FHL1: variants seen among roughly 807,000 people sequenced by gnomAD.
FHL1 encodes four and a half LIM domains 1, also known as four and a half LIM domains protein 1.
FHL1 carries 1 observed loss-of-function variant against 20.3 expected under a neutral mutation model. The observed-to-expected ratio is 0.05, with a 90% CI of 0.02 to 0.23. The LOEUF (loss-of-function observed/expected upper bound fraction) is 0.23, where lower values mean the gene tolerates loss of function less well. FHL1 is among the 10% of genes least tolerant of loss of function. The probability of loss-of-function intolerance (pLI) is 1.00; values close to 1 mark genes in which losing one functional copy is unlikely to be tolerated. For missense variants in FHL1, 177 were observed against 234.0 expected (o/e 0.76, Z 1.59); for synonymous variants, 82 against 88.9 (o/e 0.92, Z 0.44).
At chrX:136,166,659 A>C (rs966306613), upstream of FHL1, among the ~76,000 whole-genome samples, 2 of 111,836 alleles carry the variant, frequency 1.8e-5, no homozygotes, top group African/African-American at 3.3e-5. Context: ...CTCTAGGAAA[A>C]ATCAATTCCA....
upstream of FHL1, chrX:136,168,377 T>C (rs2072769929): frequency 8.9e-6 from 1 of 111,793 alleles, no homozygotes; most frequent in African/African-American, 3.3e-5. Context: ...TACTAGGAGA[T>C]AGAAATGAAA....
chrX:136,207,009 T>C lies in FHL1; in HGVS notation c.205-7T>C. 1 of 1,210,366 alleles carries C rather than the reference T, an allele frequency of 8.3e-7. No individual in the cohort carries two copies. The highest frequency in any genetic ancestry group is 1.1e-6 in the Non-Finnish European group (1 of 895,265). On this transcript the variant is annotated splice_region_variant and splice_polypyrimidine_tract_variant and intron_variant, in intron 2 of 5. Coordinates refer to ENST00000370683, the MANE Select transcript of FHL1 (RefSeq NM_001159699.2). ...ATGGTGGCCCACCCTGTCTGCTTGG[T>C]TTCCAGGAGGTGCACTATAAGAACC...
chrX:136,208,924 A>T, intron 5 of FHL1, among the ~76,000 whole-genome samples: 1 of 27,698 alleles, frequency 3.6e-5, no homozygotes, highest in Non-Finnish European at 6.4e-5. Flanking sequence ...TTGCAGGGGG[A>T]TTCTGGGGGG....
chrX:136,174,501 C>T (rs1281632000), intron 2 of FHL1, among the ~76,000 whole-genome samples: 2 of 111,435 alleles, frequency 1.8e-5, no homozygotes, highest in African/African-American at 3.3e-5. Context: ...ACCTCCCTCT[C>T]TTTGAGTAGC....
At chrX:136,180,933 G>A (rs963516887) in intron 2 of FHL1, among the ~76,000 whole-genome samples, 1 of 111,549 alleles carries the variant, frequency 9.0e-6, no homozygotes, top group Admixed American at 9.5e-5. Flanking sequence ...GTAGAGACGG[G>A]GTTTTGCCAT....
At chrX:136,175,402 G>A (rs2072976518) in intron 2 of FHL1, among the ~76,000 whole-genome samples, 1 of 112,266 alleles carries the variant, frequency 8.9e-6, no homozygotes. Flanking sequence ...TTGGAACATT[G>A]TTTGGCAATA....
intron 2 of FHL1, among the ~76,000 whole-genome samples, chrX:136,191,090 T>A (rs775407159): frequency 1.8e-5 from 2 of 111,831 alleles, no homozygotes; most frequent in Admixed American, 9.5e-5. Context: ...GGTAATCTAA[T>A]GGCAGACCAC....
intron 2 of FHL1, among the ~76,000 whole-genome samples, chrX:136,177,013 T>C (rs201086477): frequency 2.3e-5 from 2 of 88,674 alleles, no homozygotes; most frequent in East Asian, 3.7e-4. Flanking sequence ...CATGTAGAAA[T>C]ACACACACAC....
intron 2 of FHL1, among the ~76,000 whole-genome samples, chrX:136,188,284 C>T (rs1475936769): frequency 8.9e-6 from 1 of 111,764 alleles, no homozygotes; most frequent in Non-Finnish European, 1.9e-5. Context: ...GATGTTGTAG[C>T]TGCAGGCCTT....
intron 1 of FHL1, among the ~76,000 whole-genome samples, chrX:136,200,417 G>A (rs2073678693): frequency 8.9e-6 from 1 of 111,842 alleles, no homozygotes; most frequent in Non-Finnish European, 1.9e-5. Context: ...ATAAGTCCAT[G>A]AAAGCAGAGG....
intron 2 of FHL1, among the ~76,000 whole-genome samples, chrX:136,184,677 A>G (rs1414398868): frequency 7.2e-5 from 8 of 111,717 alleles, no homozygotes; most frequent in Non-Finnish European, 1.5e-4. Flanking sequence ...TTTGTAGTAT[A>G]TGATAAATGT....
intron 5 of FHL1, among the ~76,000 whole-genome samples, chrX:136,208,903 G>A (rs948837438): frequency 1.1e-5 from 1 of 92,995 alleles, no homozygotes; most frequent in African/African-American, 3.9e-5. Flanking sequence ...ACACCGGCAG[G>A]CACTGCCACT....
intron 1 of FHL1, 88 bp from the exon 2 acceptor site, chrX:136,206,319 C>A: frequency 9.1e-7 from 1 of 1,104,507 alleles, no homozygotes; most frequent in Non-Finnish European, 1.3e-6. Context: ...GACTCCAAGG[C>A]AGCATTGTGC....
intron 2 of FHL1, among the ~76,000 whole-genome samples, chrX:136,189,425 G>A (rs1251314954): frequency 9.0e-6 from 1 of 111,610 alleles, no homozygotes; most frequent in Non-Finnish European, 1.9e-5. Context: ...TCATTCTCAG[G>A]CCCATGGTCC....
At chrX:136,200,801 A>G (rs1312358209) in intron 1 of FHL1, among the ~76,000 whole-genome samples, 1 of 112,021 alleles carries the variant, frequency 8.9e-6, no homozygotes, top group Non-Finnish European at 1.9e-5. Context: ...TTGCCTCCTC[A>G]AGGAAGAACA....
chrX:136,165,051 G>A (rs2072674184), upstream of FHL1, among the ~76,000 whole-genome samples: 1 of 111,637 alleles, frequency 9.0e-6, no homozygotes, highest in Non-Finnish European at 1.9e-5. Context: ...ATATAGAAAC[G>A]TGTAGAATAA....
chrX:136,192,339 A>G (rs761984145), upstream of FHL1, among the ~76,000 whole-genome samples: 6 of 111,836 alleles, frequency 5.4e-5, no homozygotes, highest in East Asian at 1.4e-3. Flanking sequence ...AAAGTCTAGT[A>G]GTAACACAGG....
chrX:136,152,491 G>A (rs2072291092), intron 1 of FHL1, among the ~76,000 whole-genome samples: 1 of 111,293 alleles, frequency 9.0e-6, no homozygotes, highest in Non-Finnish European at 1.9e-5. Context: ...AGGCCAAGCC[G>A]GGCAGATCAC....
chrX:136,159,886 T>C (rs925492881), intron 1 of FHL1, among the ~76,000 whole-genome samples: 2 of 111,849 alleles, frequency 1.8e-5, no homozygotes, highest in African/African-American at 6.5e-5. Flanking sequence ...ACAGTGACAG[T>C]TGGTGAACTT....
Sources: gnomAD v4.1 joint callset for allele counts (sites outside exome capture counted in the v4.1 genomes callset) on GRCh38, gnomAD v4.1.1 for gene constraint, MANE v1.5 for transcripts, NCBI Gene and HGNC (gene_info 2026-07-23, HGNC 2026-07-21) for gene names.